Variants in FRMD4B observed in about 807,000 individuals in gnomAD.
FRMD4B encodes FERM domain-containing protein 4B.
In FRMD4B, 74 loss-of-function variants were observed where a neutral mutation model predicts 141.5. The ratio of observed to expected loss-of-function variants is 0.52; its 90% CI spans 0.43 to 0.63. The LOEUF (loss-of-function observed/expected upper bound fraction) is 0.63. Among genes scored for constraint, FRMD4B ranks in the 30% least tolerant of loss-of-function variants. The pLI, the probability that FRMD4B is intolerant of heterozygous loss-of-function variation, is 0.00. For missense variants in FRMD4B, 1,366 were observed against 1,253.4 expected, an observed-to-expected ratio of 1.09 and a Z score of -1.36; for synonymous variants, 506 against 467.9, an observed-to-expected ratio of 1.08 and a Z score of -1.05.
chr3:69,192,697 TC>T (rs2092851679), intron 17 of FRMD4B, among the ~76,000 whole-genome samples: 1 of 152,210 alleles, frequency 6.6e-6, no homozygotes. Flanking sequence ...TCTCAGCCAG[TC>T]TTTGTGTGTG....
intron 2 of FRMD4B, among the ~76,000 whole-genome samples, chr3:69,419,932 C>A (rs6770019): frequency 0.36 from 55,198 of 152,072 alleles, 10,527 homozygotes; most frequent in African/African-American, 0.47. Context: ...TCTTGGCTCA[C>A]TGCAACCTCT....
chr3:69,201,297 G>A (rs1411657502), intron 11 of FRMD4B, among the ~76,000 whole-genome samples: 2 of 152,122 alleles, frequency 1.3e-5, no homozygotes, highest in East Asian at 3.9e-4. Flanking sequence ...ACGTTGTATA[G>A]AAACTTGAAT....
intron 1 of FRMD4B, among the ~76,000 whole-genome samples, chr3:69,483,670 G>A (rs1265006054): frequency 1.3e-5 from 2 of 152,166 alleles, no homozygotes; most frequent in Admixed American, 6.5e-5. Flanking sequence ...CCTGGAAACT[G>A]CTGGTGGAAA....
intron 2 of FRMD4B, among the ~76,000 whole-genome samples, chr3:69,431,719 A>C (rs1023271683): frequency 7.9e-5 from 12 of 152,204 alleles, no homozygotes; most frequent in Admixed American, 4.6e-4. Flanking sequence ...TGGTAGGGCA[A>C]GATCTCCAGA....
chr3:69,517,338 C>T (rs917143600), intron 1 of FRMD4B, among the ~76,000 whole-genome samples: 1 of 152,002 alleles, frequency 6.6e-6, no homozygotes, highest in Non-Finnish European at 1.5e-5. Context: ...CAAATACCAC[C>T]CTATGTCAGA....
At chr3:69,364,190 G>A (rs1703567959) in intron 1 of FRMD4B, among the ~76,000 whole-genome samples, 1 of 152,208 alleles carries the variant, frequency 6.6e-6, no homozygotes, top group Non-Finnish European at 1.5e-5. Flanking sequence ...TATGTCACGC[G>A]ACTATCTTGC....
At chr3:69,542,113 T>TGCGCCCGGGGCGCACCGGGC (rs1162139232) in intron 1 of FRMD4B, 2 of 149,890 alleles carry the variant, frequency 1.3e-5, no homozygotes, top group South Asian at 2.2e-4. Flanking sequence ...ACGTGCGCGC[T>TGCGCCCGGGGCGCACCGGGC]GCGCCCGGGG....
intron 1 of FRMD4B, among the ~76,000 whole-genome samples, chr3:69,531,592 A>G (rs1701009155): frequency 6.6e-6 from 1 of 152,248 alleles, no homozygotes; most frequent in Non-Finnish European, 1.5e-5. Context: ...AGGCTCTGCA[A>G]GATGACAAAG....
intron 7 of FRMD4B, among the ~76,000 whole-genome samples, chr3:69,229,421 G>A (rs910635735): frequency 6.6e-6 from 1 of 151,954 alleles, no homozygotes; most frequent in African/African-American, 2.4e-5. Context: ...TTGTACTATT[G>A]CAAAATATCC....
At chr3:69,207,589 C>G (rs1575609766) in intron 11 of FRMD4B, among the ~76,000 whole-genome samples, 1 of 152,070 alleles carries the variant, frequency 6.6e-6, no homozygotes, top group South Asian at 2.1e-4. Flanking sequence ...GCGGGTGGAT[C>G]ACGAGGTCAA....
chr3:69,426,520 C>G (rs1324263368), intron 2 of FRMD4B, among the ~76,000 whole-genome samples: 1 of 152,158 alleles, frequency 6.6e-6, no homozygotes, highest in Non-Finnish European at 1.5e-5. Flanking sequence ...GAGACCCGTT[C>G]TGAGTTCTAC....
chr3:69,491,999 G>C (rs1406591688), intron 1 of FRMD4B, among the ~76,000 whole-genome samples: 1 of 152,200 alleles, frequency 6.6e-6, no homozygotes, highest in Non-Finnish European at 1.5e-5. Context: ...ACCCCCGCAA[G>C]TACCAAGACA....
chr3:69,454,549 C>T (rs556452831), intron 1 of FRMD4B, among the ~76,000 whole-genome samples: 24 of 152,312 alleles, frequency 1.6e-4, no homozygotes, highest in African/African-American at 5.5e-4. Context: ...CCGGCGCCAC[C>T]GGCCCCGGGC....
intron 5 of FRMD4B, among the ~76,000 whole-genome samples, chr3:69,284,041 C>T (rs981449630): frequency 2.6e-5 from 4 of 151,508 alleles, no homozygotes; most frequent in African/African-American, 4.9e-5. Flanking sequence ...TATCCAGCAA[C>T]GAAGATAGTG....
chr3:69,169,921 A>G lies in FRMD4B; in HGVS notation c.*1940T>C, dbSNP rs570720770. ...TAGTATAAATTACTTGCTACAAATA[A>G]ACAACATTCCCAAGATTAAAAAACC... On this transcript the variant is annotated 3_prime_UTR_variant, in exon 23 of 23. Coordinates refer to ENST00000398540, the MANE Select transcript of FRMD4B (RefSeq NM_015123.3). The G allele has an allele frequency of 1.2e-4, 19 of 152,326 alleles. No individual in the cohort carries two copies. The highest frequency in any genetic ancestry group is 1.9e-4 in the Non-Finnish European group (13 of 68,030). 9.4% of individuals were successfully genotyped at this position (152,326 alleles called of 1,614,324 possible).
At chr3:69,324,845 T>G (rs746074480) in intron 1 of FRMD4B, among the ~76,000 whole-genome samples, 1 of 143,614 alleles carries the variant, frequency 7.0e-6, no homozygotes, top group Non-Finnish European at 1.6e-5. Flanking sequence ...GTAACCCTAA[T>G]GTTTTGGAAG....
chr3:69,533,880 C>T (rs999778815), intron 1 of FRMD4B, among the ~76,000 whole-genome samples: 1 of 152,180 alleles, frequency 6.6e-6, no homozygotes, highest in African/African-American at 2.4e-5. Context: ...CATGTTCATT[C>T]ACATCTCCTC....
chr3:69,413,851 C>T (rs1250592468), intron 2 of FRMD4B, among the ~76,000 whole-genome samples: 1 of 152,076 alleles, frequency 6.6e-6, no homozygotes, highest in Non-Finnish European at 1.5e-5. Context: ...ATGGTGTAAA[C>T]GGCTCCTACG....
At chr3:69,229,669 T>C (rs944800525) in intron 7 of FRMD4B, among the ~76,000 whole-genome samples, 1 of 152,112 alleles carries the variant, frequency 6.6e-6, no homozygotes, top group African/African-American at 2.4e-5. Flanking sequence ...GAAAAAAGTG[T>C]TCATCTTCAT....
Sources: gnomAD v4.1 joint callset for allele counts (sites outside exome capture counted in the v4.1 genomes callset) on GRCh38, gnomAD v4.1.1 for gene constraint, MANE v1.5 for transcripts, NCBI Gene and HGNC (gene_info 2026-07-23, HGNC 2026-07-21) for gene names.